CALN1: variants seen among roughly 807,000 people sequenced by gnomAD.
CALN1 encodes calneuron 1.
Under a neutral mutation model 30.6 loss-of-function variants are expected in CALN1, and 17 were observed. The ratio of observed to expected loss-of-function variants is 0.56; its 90% CI spans 0.38 to 0.83. The LOEUF is 0.83. Ranked by LOEUF, CALN1 falls within the 40% of genes least tolerant of loss-of-function variation. CALN1 has a pLI of 0.00. For missense variants in CALN1, 291 were observed against 354.9 expected (o/e 0.82, Z 1.45); for synonymous variants, 156 against 131.4 (o/e 1.19, Z -1.28).
intron 5 of CALN1, among the ~76,000 whole-genome samples, chr7:71,941,902 T>TA (rs1356658418): frequency 1.3e-5 from 2 of 152,118 alleles, no homozygotes; most frequent in African/African-American, 2.4e-5. Context: ...ATTAGGGACA[T>TA]AAAAAAGTCA....
intron 5 of CALN1, among the ~76,000 whole-genome samples, chr7:71,823,088 A>G (rs1562811376): frequency 6.6e-6 from 1 of 152,126 alleles, no homozygotes; most frequent in Non-Finnish European, 1.5e-5. Flanking sequence ...CTCATGACAG[A>G]CAATTTATTC....
At chr7:72,148,052 T>C (rs1786900089) in intron 3 of CALN1, among the ~76,000 whole-genome samples, 1 of 146,046 alleles carries the variant, frequency 6.8e-6, no homozygotes, top group Non-Finnish European at 1.5e-5. Flanking sequence ...GTAACAAACC[T>C]GCATGTTGTG....
chr7:72,264,931 T>C (rs1282079229), intron 3 of CALN1, among the ~76,000 whole-genome samples: 1 of 152,128 alleles, frequency 6.6e-6, no homozygotes, highest in African/African-American at 2.4e-5. Flanking sequence ...AGTGGGAACA[T>C]GCAGTATTTG....
At chr7:71,806,809 T>C (rs1446123446) in intron 6 of CALN1, among the ~76,000 whole-genome samples, 1 of 152,206 alleles carries the variant, frequency 6.6e-6, no homozygotes, top group Non-Finnish European at 1.5e-5. Flanking sequence ...TTTCAGTCTC[T>C]TGCCCTCCAC....
At chr7:72,338,823 T>TA (rs1802249374) in intron 2 of CALN1, among the ~76,000 whole-genome samples, 1 of 152,128 alleles carries the variant, frequency 6.6e-6, no homozygotes, top group Admixed American at 6.6e-5. Context: ...AATTACACTC[T>TA]AAGTTATTGT....
At chr7:71,912,922 G>A (rs541218499) in intron 5 of CALN1, among the ~76,000 whole-genome samples, 6 of 152,160 alleles carry the variant, frequency 3.9e-5, no homozygotes, top group African/African-American at 1.2e-4. Flanking sequence ...CCGACTTGAC[G>A]GACTAAGCCA....
At chr7:72,277,501 A>C (rs1797413456) in intron 3 of CALN1, among the ~76,000 whole-genome samples, 2 of 152,132 alleles carry the variant, frequency 1.3e-5, no homozygotes, top group Non-Finnish European at 2.9e-5. Context: ...ATTCTGCCCC[A>C]ATCACTCCAC....
chr7:72,025,067 T>C (rs536728407), intron 4 of CALN1, among the ~76,000 whole-genome samples: 23 of 152,236 alleles, frequency 1.5e-4, no homozygotes, highest in African/African-American at 5.5e-4. Flanking sequence ...TCCCAGCACT[T>C]TGGAAGGCCG....
intron 4 of CALN1, among the ~76,000 whole-genome samples, chr7:72,039,079 A>G (rs916484557): frequency 1.3e-5 from 2 of 152,214 alleles, no homozygotes; most frequent in African/African-American, 4.8e-5. Flanking sequence ...AGCTAGAACT[A>G]CAGGTGTGAG....
intron 5 of CALN1, among the ~76,000 whole-genome samples, chr7:72,010,259 A>G (rs1799996319): frequency 6.6e-6 from 1 of 152,178 alleles, no homozygotes; most frequent in Admixed American, 6.5e-5. Context: ...CCCTTATCCC[A>G]AGGGATGAAG....
At chr7:72,483,491 G>A in the CALN1 span, among the ~76,000 whole-genome samples, 3 of 151,850 alleles carry the variant, frequency 2.0e-5, no homozygotes, top group Non-Finnish European at 4.4e-5. Flanking sequence ...CACCATGTTG[G>A]CCAGGCTGGT....
intron 3 of CALN1, among the ~76,000 whole-genome samples, chr7:72,215,036 A>C (rs1223092243): frequency 2.0e-5 from 3 of 152,116 alleles, no homozygotes; most frequent in Non-Finnish European, 4.4e-5. Flanking sequence ...TCATAATAGA[A>C]ATAAAGTGCA....
chr7:71,978,678 A>G lies in CALN1; in HGVS notation c.501+44979T>C, dbSNP rs116626133. On this transcript the variant is annotated intron_variant, in intron 5 of 6. Coordinates refer to ENST00000395275, the MANE Select transcript of CALN1 (RefSeq NM_031468.4). ...TGTTGACAGGCTTTTGCCTGGTCCT[A>G]TTACTTCCCATTGTGCATATAGAGA... Among the ~76,000 whole-genome samples, 141 of 152,230 alleles carry G rather than the reference A, an allele frequency of 9.3e-4. 1 individual carries two copies. Among genetic ancestry groups the G allele is most frequent in the African/African-American group, 3.3e-3 (138 of 41,530 alleles).
At chr7:72,412,578 C>T (rs1807253677), upstream of CALN1, among the ~76,000 whole-genome samples, 1 of 151,906 alleles carries the variant, frequency 6.6e-6, no homozygotes, top group South Asian at 2.1e-4. Context: ...GAAAAGTTCT[C>T]CAAGTCCCCA....
chr7:72,291,215 G>A (rs766570134), intron 2 of CALN1, among the ~76,000 whole-genome samples: 6 of 152,036 alleles, frequency 3.9e-5, no homozygotes, highest in African/African-American at 7.2e-5. Flanking sequence ...GAGCCACTGC[G>A]CCTAGCCCTT....
At chr7:72,118,382 T>C (rs1480708077) in intron 3 of CALN1, among the ~76,000 whole-genome samples, 3 of 152,204 alleles carry the variant, frequency 2.0e-5, no homozygotes, top group Admixed American at 6.5e-5. Flanking sequence ...TATGAGGTGG[T>C]GAAATTCTAC....
chr7:72,451,004 C>T (rs1326771162), upstream of CALN1, among the ~76,000 whole-genome samples: 1 of 152,012 alleles, frequency 6.6e-6, no homozygotes. Flanking sequence ...TGTGGAAGCT[C>T]TGTGCCCCAG....
intron 2 of CALN1, among the ~76,000 whole-genome samples, chr7:72,284,108 T>G (rs1339851472): frequency 6.6e-6 from 1 of 152,078 alleles, no homozygotes; most frequent in Non-Finnish European, 1.5e-5. Context: ...CTGGGCAACA[T>G]GGTGAGACTG....
intron 5 of CALN1, among the ~76,000 whole-genome samples, chr7:71,878,114 A>C (rs1484155176): frequency 1.3e-5 from 2 of 152,206 alleles, no homozygotes; most frequent in African/African-American, 4.8e-5. Context: ...GTGTTGACCA[A>C]AAAGAAGACA....
Sources: gnomAD v4.1 joint callset for allele counts (sites outside exome capture counted in the v4.1 genomes callset) on GRCh38, gnomAD v4.1.1 for gene constraint, MANE v1.5 for transcripts, NCBI Gene and HGNC (gene_info 2026-07-23, HGNC 2026-07-21) for gene names.